Variants in TNFRSF10D observed in about 807,000 individuals in gnomAD.
TNFRSF10D encodes TNF receptor superfamily member 10d.
Under a neutral mutation model 42.1 loss-of-function variants are expected in TNFRSF10D, and 28 were observed. The observed-to-expected ratio is 0.66, with a 90% CI of 0.49 to 0.91. TNFRSF10D has a LOEUF of 0.91. Among genes scored for constraint, TNFRSF10D ranks in the 40% least tolerant of loss-of-function variants. The pLI, the probability that TNFRSF10D is intolerant of heterozygous loss-of-function variation, is 0.00. For missense variants in TNFRSF10D, 503 were observed against 486.1 expected, an observed-to-expected ratio of 1.03 and a Z score of -0.33; for synonymous variants, 186 against 189.4, an observed-to-expected ratio of 0.98 and a Z score of 0.15.
chr8:23,148,397 A>G (rs770766188), intron 3 of TNFRSF10D, 41 bp downstream of exon 3: 26 of 1,520,782 alleles, frequency 1.7e-5, no homozygotes, highest in Middle Eastern at 1.7e-4. Context: ...CCTCATCACT[A>G]TGCACTCCAC....
At chr8:23,139,925 C>T (rs771458160) in intron 7 of TNFRSF10D, among the ~76,000 whole-genome samples, 2 of 152,132 alleles carry the variant, frequency 1.3e-5, no homozygotes, top group Non-Finnish European at 2.9e-5. Context: ...GCAGGCGGAT[C>T]ACGATGTCAA....
At chr8:23,142,403 T>A (rs141838216) in intron 7 of TNFRSF10D, among the ~76,000 whole-genome samples, 845 of 152,040 alleles carry the variant, frequency 5.6e-3, no homozygotes, top group African/African-American at 0.017. Flanking sequence ...ACACCATAGG[T>A]TACCACACAG....
chr8:23,139,629 G>A (rs1015634090), intron 7 of TNFRSF10D, among the ~76,000 whole-genome samples: 5 of 152,136 alleles, frequency 3.3e-5, no homozygotes, highest in African/African-American at 1.2e-4. Context: ...ACAAGGCAAG[G>A]ATGCTCACGC....
chr8:23,138,583 C>T (rs1814384814), intron 7 of TNFRSF10D, among the ~76,000 whole-genome samples: 1 of 152,092 alleles, frequency 6.6e-6, no homozygotes, highest in African/African-American at 2.4e-5. Context: ...TCAACTCCCA[C>T]CCACCCTCAC....
chr8:23,149,595 C>G (rs1228664061), intron 2 of TNFRSF10D, among the ~76,000 whole-genome samples: 1 of 151,598 alleles, frequency 6.6e-6, no homozygotes, highest in African/African-American at 2.4e-5. Flanking sequence ...AAAATCCAAC[C>G]TCATCTACAT....
chr8:23,145,866 A>C lies in TNFRSF10D; in HGVS notation c.538T>G (p.Cys180Gly). The change falls in exon 5 of 9, where the codon TGC becomes GGC. Residue 180 changes from cysteine (C) to glycine (G), a missense_variant. By Grantham distance (159) the Cys-to-Gly change is radical. Coordinates refer to ENST00000312584, the MANE Select transcript of TNFRSF10D (RefSeq NM_003840.5). ...SNCTPRSDIKCKNESAASSTG... is the reference protein window; with the variant it reads ...SNCTPRSDIKGKNESAASSTG... ...GAACTGGCAGCTGATTCATTTTTGC[A>C]CTTGATGTCACTCCGGGGCGTACAA... 1.2e-6 allele frequency: 2 copies of C among 1,614,150 alleles called. No individual in the cohort carries two copies. The highest frequency in any genetic ancestry group is 1.7e-6 in the Non-Finnish European group (2 of 1,180,022).
chr8:23,156,913 A>C (rs1800289056), intron 1 of TNFRSF10D, among the ~76,000 whole-genome samples: 4 of 152,084 alleles, frequency 2.6e-5, no homozygotes, highest in Admixed American at 2.0e-4. Context: ...TCCTTGATTT[A>C]TGTTCCTCCT....
Position 23,135,805 on chromosome 8 carries a change from A to C in TNFRSF10D, c.*2065T>G. On this transcript the variant is annotated 3_prime_UTR_variant, in exon 9 of 9. Transcript: ENST00000312584. Reference sequence around the variant, plus strand: ...TGGTAGTCTAGATGCATCTTCAAGGAAGGCCTCTGAGGAAGGGACAAAGGA... The same window carrying C: ...TGGTAGTCTAGATGCATCTTCAAGGCAGGCCTCTGAGGAAGGGACAAAGGA... 1 of 436,050 alleles carries C rather than the reference A, an allele frequency of 2.3e-6. No homozygotes were observed. The highest frequency in any genetic ancestry group is 7.1e-5 in the East Asian group (1 of 14,184). 27.0% of individuals were successfully genotyped at this position (436,050 alleles called of 1,614,324 possible).
chr8:23,159,303 C>T (rs981635381), intron 1 of TNFRSF10D, among the ~76,000 whole-genome samples: 2 of 151,948 alleles, frequency 1.3e-5, no homozygotes, highest in African/African-American at 4.8e-5. Context: ...TGAAAAACAG[C>T]AGGCGCAATA....
chr8:23,155,845 C>A (rs1250762038), intron 1 of TNFRSF10D, among the ~76,000 whole-genome samples: 2 of 152,116 alleles, frequency 1.3e-5, no homozygotes, highest in Non-Finnish European at 2.9e-5. Context: ...CTCGCACACA[C>A]ACAGACACAC....
At chr8:23,147,839 G>A (rs1196633026) in intron 3 of TNFRSF10D, among the ~76,000 whole-genome samples, 3 of 151,906 alleles carry the variant, frequency 2.0e-5, no homozygotes, top group African/African-American at 7.3e-5. Context: ...GAGGTGGGTG[G>A]ATCACGAGGT....
At chr8:23,157,016 G>A (rs1356592464) in intron 1 of TNFRSF10D, among the ~76,000 whole-genome samples, 722 of 151,570 alleles carry the variant, frequency 4.8e-3, no homozygotes, top group African/African-American at 0.015. Flanking sequence ...TTTTTTGACA[G>A]CTTTAACGAG....
intron 2 of TNFRSF10D, among the ~76,000 whole-genome samples, chr8:23,152,580 G>T (rs148365267): frequency 6.2e-3 from 938 of 152,262 alleles, no homozygotes; most frequent in African/African-American, 0.019. Context: ...TTGGGCAAAA[G>T]ATGCTGTGGT....
intron 2 of TNFRSF10D, among the ~76,000 whole-genome samples, chr8:23,150,640 T>C (rs1355037349): frequency 6.6e-6 from 1 of 152,182 alleles, no homozygotes; most frequent in African/African-American, 2.4e-5. Flanking sequence ...AGAATATGGA[T>C]AGACAACTAA....
At chr8:23,144,423 G>A in intron 7 of TNFRSF10D, 27 bp downstream of exon 7, 1 of 1,606,646 alleles carries the variant, frequency 6.2e-7, no homozygotes, top group Non-Finnish European at 8.5e-7. Flanking sequence ...TGCACGCCAG[G>A]CAGGGCACAG....
rs116982149 is a variant in TNFRSF10D at position 23,151,461 on chromosome 8, C to T, written c.257-2910G>A. On this transcript the variant is annotated intron_variant, in intron 2 of 8. Coordinates refer to ENST00000312584, the MANE Select transcript of TNFRSF10D (RefSeq NM_003840.5). Reference sequence around the variant, plus strand: ...CACTAACTGGATACACAAAACCATGCGAAAATATAAAACTAGGTGGTTAAA... The same window carrying T: ...CACTAACTGGATACACAAAACCATGTGAAAATATAAAACTAGGTGGTTAAA... 2.5e-3 allele frequency among the ~76,000 whole-genome samples: 382 copies of T among 151,548 alleles called. 6 individuals are homozygous for T. Among genetic ancestry groups the T allele is most frequent in the East Asian group, 0.019 (97 of 5,186 alleles).
intron 7 of TNFRSF10D, among the ~76,000 whole-genome samples, chr8:23,138,462 GC>G (rs1175581960): frequency 6.1e-3 from 922 of 152,136 alleles, no homozygotes; most frequent in African/African-American, 0.019. Flanking sequence ...TGCAGTAAAT[GC>G]TCACTTTGTA....
At position 23,137,924 on chromosome 8, in the gene TNFRSF10D, G is replaced by A. The variant is rs984383662; in HGVS notation, c.1107C>T (p.Ser369=). 10 of 1,614,030 alleles carry A rather than the reference G, an allele frequency of 6.2e-6. No individual in the cohort carries two copies. Among genetic ancestry groups the A allele is most frequent in the African/African-American group, 5.3e-5 (4 of 74,906 alleles). The part of the protein sequence containing the change: ...KETIQDQLVG[S]EKLFYEEDEA... ...CATCTTCTTCATAAAAGAGCTTTTC[G>A]GAGCCCACCAGTTGGTCCTGAATTG... The change falls in exon 9 of 9, where the codon TCC becomes TCT. Residue 369 remains serine, a synonymous_variant. Transcript: ENST00000312584.
At chr8:23,163,642 C>T in intron 1 of TNFRSF10D, 144 bp downstream of exon 1, 1 of 1,327,670 alleles carries the variant, frequency 7.5e-7, no homozygotes, top group Non-Finnish European at 1.0e-6. Context: ...CTTCCCCTGA[C>T]TCCGACGGCG....
Sources: gnomAD v4.1 joint callset for allele counts (sites outside exome capture counted in the v4.1 genomes callset) on GRCh38, gnomAD v4.1.1 for gene constraint, MANE v1.5 for transcripts, NCBI Gene and HGNC (gene_info 2026-07-23, HGNC 2026-07-21) for gene names.